Variants in TRAPPC9 observed in about 807,000 individuals in gnomAD.
TRAPPC9 encodes the protein trafficking protein particle complex subunit 9, also known as IKK2 binding protein.
TRAPPC9 carries 83 observed loss-of-function variants against 124.0 expected under a neutral mutation model. The observed-to-expected ratio is 0.67, with a 90% CI of 0.56 to 0.80. The LOEUF (loss-of-function observed/expected upper bound fraction) is 0.80. Ranked by LOEUF, TRAPPC9 falls within the 30% of genes least tolerant of loss-of-function variation. TRAPPC9 has a pLI of 0.00. For synonymous variants in TRAPPC9, 638 were observed against 617.5 expected (o/e 1.03, Z -0.49); for missense variants, 1,302 against 1,508.3 (o/e 0.86, Z 2.27).
chr8:140,084,622 G>A lies in TRAPPC9; in HGVS notation c.2557-60543C>T, dbSNP rs546737370. 1.4e-4 allele frequency among the ~76,000 whole-genome samples: 21 copies of A among 152,312 alleles called. No homozygotes were observed. In the South Asian group the frequency reaches 2.3e-3, roughly 17 times the overall value. On this transcript the variant is annotated intron_variant, in intron 17 of 22. Coordinates refer to ENST00000438773, the MANE Select transcript of TRAPPC9 (RefSeq NM_001160372.4). ...TTCTGAGTTCTTCTGCCCAAGAACC[G>A]CCGAGGACAAGGCTGCTGACTGACA...
chr8:139,777,649 T>C (rs538244516), intron 21 of TRAPPC9, among the ~76,000 whole-genome samples: 15 of 152,232 alleles, frequency 9.9e-5, no homozygotes, highest in Non-Finnish European at 1.8e-4. Flanking sequence ...TCAGAATGAA[T>C]GAGGCTTCTG....
chr8:140,288,188 T>G (rs2065545466), intron 12 of TRAPPC9, among the ~76,000 whole-genome samples: 1 of 151,924 alleles, frequency 6.6e-6, no homozygotes, highest in South Asian at 2.1e-4. Context: ...CAAAAAAAAT[T>G]TTTAATTAGC....
intron 19 of TRAPPC9, among the ~76,000 whole-genome samples, chr8:139,967,379 G>C (rs977067297): frequency 4.6e-5 from 7 of 152,232 alleles, no homozygotes; most frequent in African/African-American, 1.7e-4. Context: ...AAGTCACTAA[G>C]ATTCTGGGCC....
chr8:139,729,387 C>T lies in TRAPPC9; in HGVS notation c.*1674G>A, dbSNP rs767021023. 2.0e-5 allele frequency among the ~76,000 whole-genome samples: 3 copies of T among 152,238 alleles called. No homozygotes were observed. The highest frequency in any genetic ancestry group is 2.9e-5 in the Non-Finnish European group (2 of 68,040). ...TCCATTCAGAAACAGCCCAGGTGGC[C>T]AGGCCCTCAACTACGCTGAGGCATC... On this transcript the variant is annotated 3_prime_UTR_variant, in exon 23 of 23. Coordinates refer to ENST00000438773, the MANE Select transcript of TRAPPC9 (RefSeq NM_001160372.4).
intron 17 of TRAPPC9, among the ~76,000 whole-genome samples, chr8:140,042,545 G>T (rs779181204): frequency 2.0e-5 from 3 of 152,160 alleles, no homozygotes; most frequent in Non-Finnish European, 4.4e-5. Context: ...AGATAACTGG[G>T]ACTTGGCCAA....
At chr8:140,450,504 CAG>C (rs2071417538) in intron 2 of TRAPPC9, among the ~76,000 whole-genome samples, 2 of 152,126 alleles carry the variant, frequency 1.3e-5, no homozygotes, top group Admixed American at 6.5e-5. Context: ...CTGTATGGGA[CAG>C]AGCTCCAGGA....
At chr8:139,844,929 C>G (rs1006972293) in intron 21 of TRAPPC9, among the ~76,000 whole-genome samples, 1 of 152,142 alleles carries the variant, frequency 6.6e-6, no homozygotes, top group Non-Finnish European at 1.5e-5. Flanking sequence ...AGTTCATCAC[C>G]CCGTCCCCAG....
chr8:140,044,796 C>T (rs563578134), intron 17 of TRAPPC9, among the ~76,000 whole-genome samples: 10 of 152,230 alleles, frequency 6.6e-5, no homozygotes, highest in Non-Finnish European at 1.3e-4. Context: ...TAATGCACAG[C>T]TGCAAAAGAG....
intron 7 of TRAPPC9, among the ~76,000 whole-genome samples, chr8:140,383,966 C>T (rs370998063): frequency 1.3e-5 from 2 of 152,148 alleles, no homozygotes; most frequent in African/African-American, 2.4e-5. Context: ...GCGGATCTCT[C>T]GGCAGAAACT....
At chr8:139,790,786 C>T (rs1822605957) in intron 21 of TRAPPC9, among the ~76,000 whole-genome samples, 1 of 152,136 alleles carries the variant, frequency 6.6e-6, no homozygotes, top group Admixed American at 6.5e-5. Flanking sequence ...ATCCAATCCC[C>T]AGCATTGGAG....
At chr8:139,880,212 T>C (rs1829592530) in intron 21 of TRAPPC9, among the ~76,000 whole-genome samples, 1 of 152,204 alleles carries the variant, frequency 6.6e-6, no homozygotes, top group South Asian at 2.1e-4. Flanking sequence ...GTGATCTTGC[T>C]GCAGTCAGGG....
Position 139,921,824 on chromosome 8 carries a change from C to T in TRAPPC9, c.2811-11524G>A, listed in dbSNP as rs564267362. Among the ~76,000 whole-genome samples the T allele has an allele frequency of 1.5e-4, 22 of 151,306 alleles. No homozygotes were observed. In the South Asian group the frequency reaches 1.7e-3, roughly 12 times the overall value. The stretch of plus-strand genomic sequence containing the variant: ...AGGTGCACACCTGCCCCCCTGCTGC[C>T]GCATCCGAGAGCGCACACATCTGCC... On this transcript the variant is annotated intron_variant, in intron 19 of 22. Transcript: ENST00000438773.
At chr8:140,221,047 C>T (rs1385705082) in intron 17 of TRAPPC9, among the ~76,000 whole-genome samples, 1 of 152,232 alleles carries the variant, frequency 6.6e-6, no homozygotes, top group East Asian at 1.9e-4. Flanking sequence ...TTGCTACCGG[C>T]ATATCTGTCT....
chr8:139,739,128 G>T (rs1174879741), intron 21 of TRAPPC9, among the ~76,000 whole-genome samples: 3 of 152,126 alleles, frequency 2.0e-5, no homozygotes, highest in Non-Finnish European at 4.4e-5. Flanking sequence ...GCACCACGGG[G>T]TCTCACCCTC....
intron 9 of TRAPPC9, among the ~76,000 whole-genome samples, chr8:140,327,196 T>C (rs189998106): frequency 5.1e-4 from 77 of 152,024 alleles, no homozygotes; most frequent in Middle Eastern, 3.4e-3. Flanking sequence ...GAGGTTGCAG[T>C]GAGCTGAGAT....
chr8:139,950,521 C>CT (rs1834566634), intron 19 of TRAPPC9, among the ~76,000 whole-genome samples: 1 of 152,188 alleles, frequency 6.6e-6, no homozygotes, highest in African/African-American at 2.4e-5. Context: ...GCAAGATAAC[C>CT]AGTTGGCCGA....
At chr8:139,785,614 AGCTACTCGGGAG>A (rs1177517385) in intron 21 of TRAPPC9, among the ~76,000 whole-genome samples, 1 of 151,744 alleles carries the variant, frequency 6.6e-6, no homozygotes, top group Non-Finnish European at 1.5e-5. Flanking sequence ...CTGCAGTACC[AGCTACTCGGGAG>A]GCTGAGGCAC....
At chr8:140,280,894 G>A (rs59050532) in intron 14 of TRAPPC9, among the ~76,000 whole-genome samples, 6,030 of 152,280 alleles carry the variant, frequency 0.04, 215 homozygotes, top group African/African-American at 0.1. Context: ...GAGGACTCAC[G>A]CTCTGCGCCT....
intron 17 of TRAPPC9, among the ~76,000 whole-genome samples, chr8:140,191,988 C>T (rs2062502162): frequency 1.3e-5 from 2 of 152,112 alleles, no homozygotes; most frequent in African/African-American, 4.8e-5. Flanking sequence ...TCACTCAGGA[C>T]TAAAATGAGG....
Sources: allele counts gnomAD v4.1 joint callset (sites outside exome capture counted in the v4.1 genomes callset), GRCh38; gene constraint gnomAD v4.1.1; transcripts MANE v1.5; gene names NCBI Gene and HGNC (gene_info 2026-07-23, HGNC 2026-07-21).